The following ADAMTSL1 variants were observed in gnomAD, a reference collection of about 807,000 sequenced individuals.
The protein encoded by ADAMTSL1 is ADAMTS-like protein 1.
A neutral mutation model predicts 201.8 loss-of-function variants in ADAMTSL1; 126 were observed. The ratio of observed to expected loss-of-function variants is 0.62; its 90% CI spans 0.54 to 0.72. The LOEUF is 0.72. Ranked by LOEUF, ADAMTSL1 falls within the 30% of genes least tolerant of loss-of-function variation. The pLI is 0.00. For missense variants in ADAMTSL1, 2,679 were observed against 2,277.8 expected (o/e 1.18, Z -3.59); for synonymous variants, 1,121 against 903.4 (o/e 1.24, Z -4.32).
chr9:18,428,434 CA>C (rs368935296), intron 2 of ADAMTSL1, among the ~76,000 whole-genome samples: 43 of 119,596 alleles, frequency 3.6e-4, no homozygotes, highest in African/African-American at 1.1e-3. Context: ...CCTATGTCTA[CA>C]AAAAAAAAAA....
intron 1 of ADAMTSL1, among the ~76,000 whole-genome samples, chr9:17,987,710 A>G (rs1818985891): frequency 6.6e-6 from 1 of 152,028 alleles, no homozygotes; most frequent in Non-Finnish European, 1.5e-5. Context: ...GTGCTCTCAA[A>G]TGCCTTGTTT....
chr9:17,996,601 G>A (rs1586870963), intron 1 of ADAMTSL1, among the ~76,000 whole-genome samples: 2 of 151,846 alleles, frequency 1.3e-5, no homozygotes, highest in South Asian at 2.1e-4. Flanking sequence ...TATTGTACTG[G>A]GTATTGTTTC....
intron 23 of ADAMTSL1, among the ~76,000 whole-genome samples, chr9:18,886,202 A>G (rs1385351488): frequency 2.2e-5 from 3 of 134,268 alleles, no homozygotes; most frequent in Non-Finnish European, 4.7e-5. Flanking sequence ...ATATATATAT[A>G]TATATATATA....
At chr9:18,622,207 T>C in intron 4 of ADAMTSL1, 36 bp from the exon 5 acceptor site, 1 of 1,607,578 alleles carries the variant, frequency 6.2e-7, no homozygotes, top group Non-Finnish European at 8.5e-7. Context: ...CATCGGTAGG[T>C]GCTTGGTTGA....
chr9:18,547,224 A>T (rs912505789), intron 3 of ADAMTSL1, among the ~76,000 whole-genome samples: 2 of 152,134 alleles, frequency 1.3e-5, no homozygotes, highest in Non-Finnish European at 2.9e-5. Flanking sequence ...AAAAATATAG[A>T]TAGGATTTGA....
chr9:18,263,129 T>C (rs188958974), intron 2 of ADAMTSL1, among the ~76,000 whole-genome samples: 186 of 152,266 alleles, frequency 1.2e-3, no homozygotes, highest in African/African-American at 4.2e-3. Flanking sequence ...CCTAGCACAA[T>C]GGTTGGCACA....
intron 1 of ADAMTSL1, among the ~76,000 whole-genome samples, chr9:18,057,021 C>T (rs1048321771): frequency 6.6e-6 from 1 of 152,238 alleles, no homozygotes; most frequent in Non-Finnish European, 1.5e-5. Flanking sequence ...GAATTCCTCC[C>T]TGCAAAATAG....
At chr9:18,586,980 A>G (rs901613848) in intron 4 of ADAMTSL1, among the ~76,000 whole-genome samples, 7 of 152,110 alleles carry the variant, frequency 4.6e-5, no homozygotes, top group Non-Finnish European at 8.8e-5. Context: ...AAAACTAAAT[A>G]CTATTAAAAA....
intron 2 of ADAMTSL1, among the ~76,000 whole-genome samples, chr9:18,312,647 G>C (rs1353672664): frequency 2.6e-5 from 4 of 152,142 alleles, no homozygotes; most frequent in African/African-American, 9.7e-5. Context: ...ACAAAGCCTA[G>C]AAATGTGTAA....
chr9:18,705,241 G>A (rs1450568543), intron 13 of ADAMTSL1, among the ~76,000 whole-genome samples: 1 of 152,224 alleles, frequency 6.6e-6, no homozygotes, highest in Non-Finnish European at 1.5e-5. Context: ...AGGTTAAGGA[G>A]CCAGGTTTGC....
At chr9:18,847,498 G>A (rs1447502789) in intron 23 of ADAMTSL1, among the ~76,000 whole-genome samples, 1 of 152,208 alleles carries the variant, frequency 6.6e-6, no homozygotes, top group East Asian at 1.9e-4. Context: ...AGTAATAAGT[G>A]CTATAAAGAA....
At chr9:17,934,254 T>C (rs1424465591) in intron 1 of ADAMTSL1, among the ~76,000 whole-genome samples, 1 of 152,150 alleles carries the variant, frequency 6.6e-6, no homozygotes, top group Non-Finnish European at 1.5e-5. Flanking sequence ...ACTCAGCTTC[T>C]GGCATTTTAC....
chr9:18,494,607 T>C (rs1822437508), intron 1 of ADAMTSL1, among the ~76,000 whole-genome samples: 1 of 152,160 alleles, frequency 6.6e-6, no homozygotes, highest in Non-Finnish European at 1.5e-5. Flanking sequence ...AGGCCATGTA[T>C]GATTACAAAA....
chr9:18,074,097 G>A (rs73420829), intron 1 of ADAMTSL1, among the ~76,000 whole-genome samples: 1 of 151,966 alleles, frequency 6.6e-6, no homozygotes, highest in African/African-American at 2.4e-5. Flanking sequence ...AACTCCTTAC[G>A]CTTTGAGCAT....
At chr9:18,626,134 A>T (rs1028483001) in intron 5 of ADAMTSL1, among the ~76,000 whole-genome samples, 1 of 152,228 alleles carries the variant, frequency 6.6e-6, no homozygotes, top group Non-Finnish European at 1.5e-5. Context: ...TCAAGGATAT[A>T]TTCATTCAAC....
At chr9:18,522,067 A>G (rs1053819452) in intron 2 of ADAMTSL1, among the ~76,000 whole-genome samples, 2 of 152,168 alleles carry the variant, frequency 1.3e-5, no homozygotes, top group South Asian at 2.1e-4. Context: ...TTCCTTTTTC[A>G]TGGTCAAGTT....
chr9:18,107,962 G>T (rs1001340157), intron 1 of ADAMTSL1, among the ~76,000 whole-genome samples: 1 of 152,066 alleles, frequency 6.6e-6, no homozygotes, highest in African/African-American at 2.4e-5. Context: ...TGGGAAAATA[G>T]AATAAAATGA....
chr9:18,457,811 A>G (rs141288525), intron 2 of ADAMTSL1, among the ~76,000 whole-genome samples: 195 of 152,316 alleles, frequency 1.3e-3, no homozygotes, highest in African/African-American at 4.5e-3. Flanking sequence ...AGAATTCCTA[A>G]TTGCAGTTTT....
At chr9:18,405,700 A>G (rs1397618469) in intron 2 of ADAMTSL1, among the ~76,000 whole-genome samples, 2 of 152,124 alleles carry the variant, frequency 1.3e-5, no homozygotes, top group African/African-American at 4.8e-5. Context: ...TGGTTCCTTG[A>G]AGATTACATA....
Sources: allele counts gnomAD v4.1 joint callset (sites outside exome capture counted in the v4.1 genomes callset), GRCh38; gene constraint gnomAD v4.1.1; transcripts MANE v1.5; gene names NCBI Gene and HGNC (gene_info 2026-07-23, HGNC 2026-07-21).